The following CPNE8 variants were observed in gnomAD, a reference collection of about 807,000 sequenced individuals.
The protein encoded by CPNE8 is copine 8, also known as copine-8.
CPNE8 carries 45 observed loss-of-function variants against 81.5 expected under a neutral mutation model. That is an observed-to-expected ratio of 0.55 (90% CI 0.44 to 0.71). The LOEUF is 0.71. Ranked by LOEUF, CPNE8 falls within the 30% of genes least tolerant of loss-of-function variation. CPNE8 has a pLI of 0.00. For missense variants in CPNE8, 594 were observed against 672.1 expected (o/e 0.88, Z 1.28); for synonymous variants, 252 against 226.3 (o/e 1.11, Z -1.02).
intron 15 of CPNE8, among the ~76,000 whole-genome samples, chr12:38,692,991 A>G (rs965864726): frequency 2.6e-5 from 4 of 152,202 alleles, no homozygotes; most frequent in African/African-American, 7.2e-5. Context: ...ATCTTGCTAC[A>G]GTGAGACCAC....
intron 6 of CPNE8, among the ~76,000 whole-genome samples, chr12:38,777,708 T>C (rs772187937): frequency 6.6e-6 from 1 of 152,214 alleles, no homozygotes; most frequent in Non-Finnish European, 1.5e-5. Context: ...GGTAACATGC[T>C]GTACACATTT....
intron 1 of CPNE8, among the ~76,000 whole-genome samples, chr12:38,889,388 A>G (rs1160534456): frequency 6.6e-6 from 1 of 152,210 alleles, no homozygotes; most frequent in South Asian, 2.1e-4. Flanking sequence ...ACGTGAGGCC[A>G]AACTGTTCCT....
rs146589581 is a variant in CPNE8, at chr12:38,669,585, C to T, written c.1506+1144G>A. Among the ~76,000 whole-genome samples, 1,086 of 152,268 alleles carry T rather than the reference C, an allele frequency of 7.1e-3. 5 individuals are homozygous for T. The highest frequency in any genetic ancestry group is 0.012 in the Non-Finnish European group (790 of 68,008). On this transcript the variant is annotated intron_variant, in intron 19 of 19. Coordinates refer to ENST00000331366, the MANE Select transcript of CPNE8 (RefSeq NM_153634.3). ...GGAGCACAGTCACCTTGGGCAAACA[C>T]GGCCACTTTAAGTTCCAGCTCCCTT... is the stretch of plus-strand genomic sequence containing the variant.
chr12:38,677,403 G>T, intron 17 of CPNE8, 49 bp downstream of exon 17: 1 of 954,180 alleles, frequency 1.0e-6, no homozygotes, highest in Non-Finnish European at 1.7e-6. Context: ...TCTCTAAGTA[G>T]CACCATGTTG....
At chr12:38,827,757 G>A (rs73089574) in intron 6 of CPNE8, among the ~76,000 whole-genome samples, 12,311 of 152,172 alleles carry the variant, frequency 0.081, 643 homozygotes, top group East Asian at 0.28. Flanking sequence ...CTTATAAGCG[G>A]GAGATAAACA....
chr12:38,755,259 C>T (rs1941432837), intron 10 of CPNE8, among the ~76,000 whole-genome samples: 1 of 152,038 alleles, frequency 6.6e-6, no homozygotes, highest in Non-Finnish European at 1.5e-5. Context: ...AACTTTTACT[C>T]TCTCTGTTCA....
intron 6 of CPNE8, among the ~76,000 whole-genome samples, chr12:38,790,701 T>G (rs1231970804): frequency 6.6e-6 from 1 of 151,632 alleles, no homozygotes; most frequent in Non-Finnish European, 1.5e-5. Context: ...TCAAAACATC[T>G]CATATACACC....
chr12:38,680,231 CTTA>C (rs1939380070), intron 16 of CPNE8, among the ~76,000 whole-genome samples: 1 of 151,936 alleles, frequency 6.6e-6, no homozygotes, highest in East Asian at 1.9e-4. Flanking sequence ...ATTCTTTCAG[CTTA>C]TTATTAGTTC....
At chr12:38,697,969 A>C (rs1939837709) in intron 14 of CPNE8, among the ~76,000 whole-genome samples, 1 of 152,204 alleles carries the variant, frequency 6.6e-6, no homozygotes, top group South Asian at 2.1e-4. Flanking sequence ...TTTCTTTATA[A>C]ATTACCCAGT....
chr12:38,832,764 C>G (rs1469211669), intron 5 of CPNE8, among the ~76,000 whole-genome samples: 1 of 152,074 alleles, frequency 6.6e-6, no homozygotes. Context: ...CTCCTGAGCT[C>G]AGGTGATCCA....
intron 10 of CPNE8, among the ~76,000 whole-genome samples, chr12:38,741,505 C>T (rs1941104055): frequency 6.6e-6 from 1 of 152,278 alleles, no homozygotes; most frequent in South Asian, 2.1e-4. Context: ...TGGATCCCTT[C>T]CTTACACCTT....
intron 10 of CPNE8, among the ~76,000 whole-genome samples, chr12:38,753,388 G>T (rs1377372557): frequency 6.6e-6 from 1 of 152,156 alleles, no homozygotes; most frequent in Non-Finnish European, 1.5e-5. Context: ...GGAAGCAGAG[G>T]TTGCAGTGAG....
At chr12:38,700,522 G>T (rs1939914528) in intron 14 of CPNE8, among the ~76,000 whole-genome samples, 1 of 151,368 alleles carries the variant, frequency 6.6e-6, no homozygotes, top group African/African-American at 2.4e-5. Context: ...ACTGAGCCTG[G>T]CCAGGAAGTC....
chr12:38,835,867 G>A (rs914164062), intron 5 of CPNE8, among the ~76,000 whole-genome samples: 2 of 151,986 alleles, frequency 1.3e-5, no homozygotes, highest in Non-Finnish European at 2.9e-5. Context: ...CCATGAATAC[G>A]TCTGAAACAA....
chr12:38,729,511 A>T (rs1475181833), intron 11 of CPNE8, among the ~76,000 whole-genome samples: 1 of 152,042 alleles, frequency 6.6e-6, no homozygotes, highest in Non-Finnish European at 1.5e-5. Flanking sequence ...GAAACTACTT[A>T]AAAAATTGTT....
chr12:38,867,305 AGTGTGTGTGTGT>A lies in CPNE8; in HGVS notation c.186+5687_186+5698del, dbSNP rs35874005. On this transcript the variant is annotated intron_variant, in intron 3 of 19. Transcript: ENST00000331366. The stretch of plus-strand genomic sequence containing the variant: ...GTCCTTGATGTTTGTTGAATAGTAT[AGTGTGTGTGTGT>A]GTGTGTGTGTGTGTGTGTGTGTGAG... 7.9e-3 allele frequency among the ~76,000 whole-genome samples: 1,053 copies of A among 133,202 alleles called. 10 individuals carry two copies. The highest frequency in any genetic ancestry group is 0.026 in the African/African-American group (910 of 35,618). The allele number at this position is 133,202 out of a possible 152,430, so 87.4% of individuals were successfully genotyped here.
intron 6 of CPNE8, among the ~76,000 whole-genome samples, chr12:38,821,323 T>G (rs2137007088): frequency 6.6e-6 from 1 of 152,282 alleles, no homozygotes; most frequent in South Asian, 2.1e-4. Context: ...TGATCCATAA[T>G]CAATTCCTAG....
chr12:38,661,551 ACC>A (rs1938952752), intron 19 of CPNE8, among the ~76,000 whole-genome samples: 1 of 152,136 alleles, frequency 6.6e-6, no homozygotes, highest in African/African-American at 2.4e-5. Context: ...GCACATATAT[ACC>A]TATGTAACAA....
chr12:38,698,578 G>A (rs574990948), intron 14 of CPNE8, among the ~76,000 whole-genome samples: 26 of 152,248 alleles, frequency 1.7e-4, no homozygotes, highest in African/African-American at 5.1e-4. Flanking sequence ...GTTAATTTTC[G>A]TATGCGAGGG....
Sources: allele counts gnomAD v4.1 joint callset (sites outside exome capture counted in the v4.1 genomes callset), GRCh38; gene constraint gnomAD v4.1.1; transcripts MANE v1.5; gene names NCBI Gene and HGNC (gene_info 2026-07-23, HGNC 2026-07-21).